The following CHST15 variants were observed in gnomAD, a reference collection of about 807,000 sequenced individuals.
The protein encoded by CHST15 is carbohydrate sulfotransferase 15.
Under a neutral mutation model 53.6 loss-of-function variants are expected in CHST15, and 30 were observed. That is an observed-to-expected ratio of 0.56 (90% CI 0.42 to 0.76). The LOEUF is 0.76. Among genes scored for constraint, CHST15 ranks in the 30% least tolerant of loss-of-function variants. CHST15 has a pLI of 0.00. For synonymous variants in CHST15, 296 were observed against 289.8 expected (o/e 1.02, Z -0.22); for missense variants, 627 against 740.5 (o/e 0.85, Z 1.78).
intron 5 of CHST15, among the ~76,000 whole-genome samples, chr10:124,037,522 C>T (rs973008548): frequency 1.3e-5 from 2 of 152,156 alleles, no homozygotes; most frequent in African/African-American, 2.4e-5. Flanking sequence ...CAGAGGGCCT[C>T]GGATTAGACA....
intron 1 of CHST15, among the ~76,000 whole-genome samples, chr10:124,070,459 AC>A (rs1948880087): frequency 6.6e-6 from 1 of 152,092 alleles, no homozygotes; most frequent in Admixed American, 6.5e-5. Flanking sequence ...GCTCACTGCA[AC>A]CTCTGCCTCC....
At chr10:124,073,344 GAC>G (rs1948978973) in intron 1 of CHST15, among the ~76,000 whole-genome samples, 1 of 152,184 alleles carries the variant, frequency 6.6e-6, no homozygotes, top group African/African-American at 2.4e-5. Context: ...TCCAGTTAGA[GAC>G]AGCACAAAAC....
chr10:124,077,522 A>T (rs567531686), intron 1 of CHST15, among the ~76,000 whole-genome samples: 75 of 152,342 alleles, frequency 4.9e-4, no homozygotes, highest in Non-Finnish European at 8.4e-4. Context: ...GCCCCTTTAA[A>T]TGGGAAAATC....
At chr10:124,090,400 G>A (rs992666299) in intron 1 of CHST15, among the ~76,000 whole-genome samples, 7 of 152,132 alleles carry the variant, frequency 4.6e-5, no homozygotes, top group Non-Finnish European at 1.0e-4. Context: ...CACTAGCAGG[G>A]GACCTTCCAG....
chr10:124,081,004 G>A (rs1024831745), intron 1 of CHST15, among the ~76,000 whole-genome samples: 1 of 152,164 alleles, frequency 6.6e-6, no homozygotes, highest in Admixed American at 6.5e-5. Context: ...TCTGTCAAAG[G>A]AGACTCCTGG....
chr10:124,091,332 C>T (rs1458324519), intron 1 of CHST15, among the ~76,000 whole-genome samples: 1 of 152,040 alleles, frequency 6.6e-6, no homozygotes, highest in East Asian at 1.9e-4. Flanking sequence ...GCAAGGTTGC[C>T]GGTCCTGGGA....
intron 1 of CHST15, among the ~76,000 whole-genome samples, chr10:124,092,949 C>G (rs1005707618): frequency 6.6e-6 from 1 of 152,238 alleles, no homozygotes. Context: ...GCGTTCCACG[C>G]GGCTTGCGCC....
At chr10:124,053,547 G>A (rs889995497) in intron 1 of CHST15, among the ~76,000 whole-genome samples, 1 of 150,932 alleles carries the variant, frequency 6.6e-6, no homozygotes, top group South Asian at 2.1e-4. Context: ...AGGCTGGAGC[G>A]CAGTGGTGTG....
At chr10:124,015,487 C>T (rs1046553341) in intron 6 of CHST15, among the ~76,000 whole-genome samples, 6 of 151,986 alleles carry the variant, frequency 3.9e-5, no homozygotes, top group Non-Finnish European at 1.5e-5. Context: ...GTCCCCCATG[C>T]AGGGCCCCAG....
Position 124,010,192 on chromosome 10 carries a change from G to C in CHST15, c.1643C>G (p.Ala548Gly). The part of the protein sequence containing the change: ...DFYRPFNARL[A>G]QVLADEAFAW... ...AAACGCCTCATCCGCGAGGACCTGC[G>C]CCAGCCTAGCGTTGAAGGGCCTGTA... Residue 548 changes from alanine (A) to glycine (G), a missense_variant, in exon 8 of 8, where the codon GCG becomes GGG. Physicochemically the swap from Ala to Gly is moderately conservative, Grantham distance 60. Coordinates refer to ENST00000435907, the MANE Select transcript of CHST15 (RefSeq NM_001270764.2). The C allele has an allele frequency of 6.2e-7, 1 of 1,613,804 alleles. No individual in the cohort carries two copies. Among genetic ancestry groups the C allele is most frequent in the Non-Finnish European group, 8.5e-7 (1 of 1,180,042 alleles).
intron 6 of CHST15, among the ~76,000 whole-genome samples, chr10:124,015,415 G>T (rs1946557518): frequency 6.6e-6 from 1 of 151,948 alleles, no homozygotes; most frequent in Non-Finnish European, 1.5e-5. Flanking sequence ...GCTACTCAGG[G>T]TCAGTGGCCA....
chr10:124,058,854 CAT>C (rs1242121023), intron 1 of CHST15, among the ~76,000 whole-genome samples: 1 of 152,180 alleles, frequency 6.6e-6, no homozygotes, highest in African/African-American at 2.4e-5. Flanking sequence ...CACCAGCTAA[CAT>C]GTGTTGAGGG....
chr10:124,031,091 C>G (rs536054971), intron 5 of CHST15, among the ~76,000 whole-genome samples: 1 of 152,206 alleles, frequency 6.6e-6, no homozygotes, highest in Non-Finnish European at 1.5e-5. Flanking sequence ...CAGCAGCAAC[C>G]AAGGTTAAGC....
chr10:124,068,194 T>C (rs1244047699), intron 1 of CHST15, among the ~76,000 whole-genome samples: 4 of 152,106 alleles, frequency 2.6e-5, no homozygotes, highest in Non-Finnish European at 4.4e-5. Context: ...GCTGCAGTGG[T>C]TTACATGCTG....
At chr10:124,071,029 C>T (rs1362239398) in intron 1 of CHST15, among the ~76,000 whole-genome samples, 1 of 152,166 alleles carries the variant, frequency 6.6e-6, no homozygotes, top group Non-Finnish European at 1.5e-5. Flanking sequence ...TAGTATTTGG[C>T]GGTGCTCTCT....
At chr10:124,052,748 T>G (rs560517773) in intron 1 of CHST15, among the ~76,000 whole-genome samples, 1 of 152,334 alleles carries the variant, frequency 6.6e-6, no homozygotes. Context: ...AAAGAGTGTC[T>G]AGCCCGGCCG....
chr10:124,033,216 G>A (rs1204213113), intron 5 of CHST15, among the ~76,000 whole-genome samples: 1 of 152,188 alleles, frequency 6.6e-6, no homozygotes, highest in East Asian at 1.9e-4. Context: ...ACAGGCCATG[G>A]GTCATGGGCT....
chr10:124,034,632 T>C lies in CHST15; in HGVS notation c.1190+3883A>G, dbSNP rs181477780. On this transcript the variant is annotated intron_variant, in intron 5 of 7. Coordinates refer to ENST00000435907, the MANE Select transcript of CHST15 (RefSeq NM_001270764.2). ...ACAGGGACCCTGGCTTCACCCCTGA[T>C]AGGTACCCTGGCTCCACCCCTAACA... Among the ~76,000 whole-genome samples the C allele has an allele frequency of 9.0e-4, 93 of 103,160 alleles. 2 individuals carry two copies. The highest frequency in any genetic ancestry group is 4.3e-3 in the African/African-American group (81 of 18,848). 67.7% of individuals were successfully genotyped at this position (103,160 alleles called of 152,430 possible).
chr10:124,061,320 C>T (rs369097498), intron 1 of CHST15, among the ~76,000 whole-genome samples: 1 of 152,270 alleles, frequency 6.6e-6, no homozygotes, highest in South Asian at 2.1e-4. Flanking sequence ...GTGCTATTCT[C>T]GTGATAGTAA....
Sources: gnomAD v4.1 joint callset for allele counts (sites outside exome capture counted in the v4.1 genomes callset) on GRCh38, gnomAD v4.1.1 for gene constraint, MANE v1.5 for transcripts, NCBI Gene and HGNC (gene_info 2026-07-23, HGNC 2026-07-21) for gene names.